MAP4K3: variants seen among roughly 807,000 people sequenced by gnomAD.
MAP4K3 encodes the protein MAPK/ERK kinase kinase kinase 3.
A neutral mutation model predicts 143.5 loss-of-function variants in MAP4K3; 94 were observed. That is an observed-to-expected ratio of 0.65 (90% CI 0.55 to 0.78). The LOEUF is 0.78. Ranked by LOEUF, MAP4K3 falls within the 30% of genes least tolerant of loss-of-function variation. The probability of loss-of-function intolerance (pLI) is 0.00; values close to 1 mark genes in which losing one functional copy is unlikely to be tolerated. For synonymous variants in MAP4K3, 416 were observed against 347.2 expected (o/e 1.20, Z -2.20); for missense variants, 1,077 against 1,068.1 (o/e 1.01, Z -0.12).
chr2:39,253,597 A>G (rs931015247), intron 32 of MAP4K3, among the ~76,000 whole-genome samples: 1 of 152,240 alleles, frequency 6.6e-6, no homozygotes, highest in Non-Finnish European at 1.5e-5. Flanking sequence ...GCTGAACTTG[A>G]GACCTGAAGC....
chr2:39,338,007 C>A (rs1417503575), intron 4 of MAP4K3, among the ~76,000 whole-genome samples: 2 of 152,040 alleles, frequency 1.3e-5, no homozygotes, highest in Admixed American at 1.3e-4. Flanking sequence ...AAGCAATCTT[C>A]CTGCCTCAGC....
chr2:39,311,194 C>T (rs1317967060), intron 13 of MAP4K3, among the ~76,000 whole-genome samples: 5 of 152,122 alleles, frequency 3.3e-5, no homozygotes, highest in Non-Finnish European at 7.4e-5. Flanking sequence ...TCTCGTGCCT[C>T]GACCTCCTGA....
intron 26 of MAP4K3, among the ~76,000 whole-genome samples, chr2:39,270,035 C>G (rs924449147): frequency 6.6e-6 from 1 of 152,124 alleles, no homozygotes; most frequent in Admixed American, 6.5e-5. Context: ...TGACAGATTT[C>G]GGCTGGCAGA....
chr2:39,289,189 C>A (rs547621981), intron 19 of MAP4K3, among the ~76,000 whole-genome samples: 1 of 152,142 alleles, frequency 6.6e-6, no homozygotes, highest in African/African-American at 2.4e-5. Flanking sequence ...GAATTTATAA[C>A]GTGTCTCTTA....
At chr2:39,299,213 A>G (rs575558652) in intron 16 of MAP4K3, among the ~76,000 whole-genome samples, 56 of 152,244 alleles carry the variant, frequency 3.7e-4, no homozygotes, top group Admixed American at 2.2e-3. Context: ...GCCTCTATCA[A>G]TTAGACAGTG....
chr2:39,255,376 C>T (rs1309499974), intron 31 of MAP4K3, among the ~76,000 whole-genome samples: 1 of 152,104 alleles, frequency 6.6e-6, no homozygotes, highest in Non-Finnish European at 1.5e-5. Context: ...TTTTAATATA[C>T]TTTTTGGCAT....
rs1189147174 is a variant in MAP4K3 at position 39,282,012 on chromosome 2, G to A, written c.1629+501C>T. Among the ~76,000 whole-genome samples the A allele has an allele frequency of 3.0e-4, 46 of 151,964 alleles. 1 individual carries two copies. Among genetic ancestry groups the A allele is most frequent in the Non-Finnish European group, 4.4e-5 (3 of 67,936 alleles). On this transcript the variant is annotated intron_variant, in intron 22 of 33. Coordinates refer to ENST00000263881, the MANE Select transcript of MAP4K3 (RefSeq NM_003618.4). ...AGTTCAAGACCAGCCTGGCCAATATGGTAAAACCCGTCTCTATAAAAACAC... is the reference window on the plus strand; with the variant it reads ...AGTTCAAGACCAGCCTGGCCAATATAGTAAAACCCGTCTCTATAAAAACAC...
At chr2:39,366,200 G>A (rs1188834334) in intron 2 of MAP4K3, among the ~76,000 whole-genome samples, 1 of 145,930 alleles carries the variant, frequency 6.9e-6, no homozygotes, top group East Asian at 2.2e-4. Context: ...GAAGACCTGA[G>A]GCATCAATCA....
chr2:39,263,561 G>C (rs936643069), intron 28 of MAP4K3, among the ~76,000 whole-genome samples: 52 of 151,780 alleles, frequency 3.4e-4, no homozygotes, highest in African/African-American at 1.2e-3. Context: ...TTACAAGCGT[G>C]AGCCACCGCG....
At chr2:39,369,135 C>G (rs559829042) in intron 2 of MAP4K3, among the ~76,000 whole-genome samples, 2 of 151,882 alleles carry the variant, frequency 1.3e-5, no homozygotes, top group East Asian at 3.9e-4. Context: ...TGTTACTAAC[C>G]TGTAAAAACA....
intron 24 of MAP4K3, among the ~76,000 whole-genome samples, chr2:39,276,719 C>G (rs993960694): frequency 2.6e-5 from 4 of 152,168 alleles, no homozygotes; most frequent in African/African-American, 7.2e-5. Context: ...TAAGTATTAG[C>G]TATTAATAGC....
Position 39,290,315 on chromosome 2 carries a change from T to G in MAP4K3, c.1291A>C (p.Ile431Leu). Reference sequence around the variant, plus strand: ...ACCTTTGGTGGCAAAGGAGGTGGAATTTTTGCTTTCAGAGTTGAGCTAAAA... The same window carrying G: ...ACCTTTGGTGGCAAAGGAGGTGGAAGTTTTGCTTTCAGAGTTGAGCTAAAA... ...ESKHSTLKAK[I>L]PPPLPPKPKS... is the part of the protein sequence containing the mutation. The change falls in exon 19 of 34, where the codon ATT becomes CTT. Residue 431 changes from isoleucine to leucine, a missense_variant. Physicochemically the swap from Ile to Leu is conservative, Grantham distance 5 (BLOSUM62 2). Coordinates refer to ENST00000263881, the MANE Select transcript of MAP4K3 (RefSeq NM_003618.4). The G allele has an allele frequency of 6.2e-7, 1 of 1,607,776 alleles. No homozygotes were observed.
intron 13 of MAP4K3, among the ~76,000 whole-genome samples, chr2:39,312,149 T>C (rs1682962113): frequency 6.6e-6 from 1 of 152,216 alleles, no homozygotes; most frequent in Non-Finnish European, 1.5e-5. Flanking sequence ...AAACAACCAC[T>C]GCAGCTAAAG....
chr2:39,272,686 G>T, intron 24 of MAP4K3, 144 bp from the exon 25 acceptor site: 2 of 633,242 alleles, frequency 3.2e-6, no homozygotes, highest in Non-Finnish European at 2.8e-6. Flanking sequence ...CTTTATCAAG[G>T]ATTCAAACCA....
intron 18 of MAP4K3, among the ~76,000 whole-genome samples, chr2:39,292,314 T>C (rs1459955810): frequency 1.3e-5 from 2 of 152,206 alleles, no homozygotes; most frequent in East Asian, 3.9e-4. Context: ...AATGTGATTA[T>C]ATTTAGAGAT....
chr2:39,249,977 T>C lies in MAP4K3; in HGVS notation c.*641A>G, dbSNP rs184598030. 2.2e-4 allele frequency: 34 copies of C among 152,412 alleles called. No individual in the cohort carries two copies. The highest frequency in any genetic ancestry group is 7.9e-4 in the African/African-American group (33 of 41,576). 9.4% of individuals were successfully genotyped at this position (152,412 alleles called of 1,614,324 possible). On this transcript the variant is annotated 3_prime_UTR_variant, in exon 34 of 34. Transcript: ENST00000263881. ...ATACATTTGTGGAGCCAAATGCTTA[T>C]AGACAATGTCACAGCTTACTTTTGT...
intron 24 of MAP4K3, among the ~76,000 whole-genome samples, chr2:39,276,465 G>T (rs965364663): frequency 2.6e-5 from 4 of 152,214 alleles, no homozygotes; most frequent in Non-Finnish European, 1.5e-5. Context: ...ACAATCGGTA[G>T]AGAGAATATG....
intron 2 of MAP4K3, among the ~76,000 whole-genome samples, chr2:39,364,506 A>G (rs922768927): frequency 1.3e-5 from 2 of 152,216 alleles, no homozygotes; most frequent in African/African-American, 2.4e-5. Context: ...GCTCCAAGAG[A>G]TCCTGAGAAC....
chr2:39,315,256 A>G, intron 13 of MAP4K3, 54 bp downstream of exon 13: 1 of 1,249,864 alleles, frequency 8.0e-7, no homozygotes, highest in Non-Finnish European at 1.1e-6. Context: ...CTGTAACTAA[A>G]TTATAACTTA....
Sources: gnomAD v4.1 joint callset for allele counts (sites outside exome capture counted in the v4.1 genomes callset) on GRCh38, gnomAD v4.1.1 for gene constraint, MANE v1.5 for transcripts, NCBI Gene and HGNC (gene_info 2026-07-23, HGNC 2026-07-21) for gene names.